The following LAP3 variants were observed in gnomAD, a reference collection of about 807,000 sequenced individuals.
The protein encoded by LAP3 is cytosol aminopeptidase.
LAP3 carries 46 observed loss-of-function variants against 58.8 expected under a neutral mutation model. The ratio of observed to expected loss-of-function variants is 0.78; its 90% confidence interval spans 0.62 to 1.00. The LOEUF is 1.00. Among genes scored for constraint, LAP3 ranks in the 50% least tolerant of loss-of-function variants. The pLI is 0.00. For synonymous variants in LAP3, 257 were observed against 237.7 expected (o/e 1.08, Z -0.75); for missense variants, 615 against 659.1 (o/e 0.93, Z 0.73).
chr4:17,579,095 G>A (rs1279393851), intron 1 of LAP3, among the ~76,000 whole-genome samples: 6 of 152,212 alleles, frequency 3.9e-5, no homozygotes, highest in African/African-American at 1.4e-4. Flanking sequence ...ATGAAGACCT[G>A]AAGAAGCGTT....
intron 10 of LAP3, among the ~76,000 whole-genome samples, chr4:17,601,318 AT>A (rs1364038956): frequency 2.0e-5 from 3 of 152,194 alleles, no homozygotes; most frequent in Non-Finnish European, 4.4e-5. Context: ...AGAATAAACT[AT>A]TTAGCTATAT....
chr4:17,607,381 T>C lies in LAP3; in HGVS notation c.1371-19T>C. 1.9e-6 allele frequency: 3 copies of C among 1,604,038 alleles called. No individual in the cohort carries two copies. Among genetic ancestry groups the C allele is most frequent in the South Asian group, 2.2e-5 (2 of 89,594 alleles). On this transcript the variant is annotated intron_variant, in intron 12 of 12. Transcript: ENST00000226299. ...ACATTTACATGGGGTTGTAAAGTGC[T>C]TTTTGTCTTTCTCTTCAGATCTGCA...
At chr4:17,606,227 C>G (rs1429914877) in intron 11 of LAP3, among the ~76,000 whole-genome samples, 1 of 152,228 alleles carries the variant, frequency 6.6e-6, no homozygotes, top group Non-Finnish European at 1.5e-5. Context: ...CATAAGAACT[C>G]TTTCACCCTC....
chr4:17,607,401 T>A lies in LAP3; in HGVS notation c.1372T>A (p.Ser458Thr). ...AGTGCTTTTTGTCTTTCTCTTCAGA[T>A]CTGCAGGAGCATGTACAGCTGCAGC... ...ADVNNIGKYR[S>T]AGACTAAAFL... The change falls in exon 13 of 13, where the codon TCT (serine) becomes ACT (threonine). Residue 458 changes from serine (S) to threonine (T), a missense_variant and splice_region_variant. By Grantham distance (58) the Ser-to-Thr change is moderately conservative. Coordinates refer to ENST00000226299, the MANE Select transcript of LAP3 (RefSeq NM_015907.3). The A allele has an allele frequency of 6.2e-7, 1 of 1,609,740 alleles. No homozygotes were observed. The highest frequency in any genetic ancestry group is 1.7e-5 in the Admixed American group (1 of 58,524).
rs953788706 is a variant in LAP3 at position 17,577,347 on chromosome 4, G to A, written c.-119G>A. Reference sequence around the variant, plus strand: ...CCCTAGACGCACGTCCGCTCGCCCGGCGCCCGAGCCAGTCCGCGCGCACGC... The same window carrying A: ...CCCTAGACGCACGTCCGCTCGCCCGACGCCCGAGCCAGTCCGCGCGCACGC... On this transcript the variant is annotated 5_prime_UTR_variant, in exon 1 of 13. Coordinates refer to ENST00000226299, the MANE Select transcript of LAP3 (RefSeq NM_015907.3). 2.1e-4 allele frequency: 121 copies of A among 587,368 alleles called. 1 individual carries two copies. Among genetic ancestry groups the A allele is most frequent in the Non-Finnish European group, 2.4e-4 (95 of 389,108 alleles). 36.4% of individuals were successfully genotyped at this position (587,368 alleles called of 1,614,324 possible).
intron 7 of LAP3, among the ~76,000 whole-genome samples, chr4:17,593,343 C>T (rs1019907735): frequency 6.6e-6 from 1 of 151,724 alleles, no homozygotes; most frequent in Non-Finnish European, 1.5e-5. Context: ...TGTTCATTTA[C>T]TTCTGCACTG....
chr4:17,584,741 C>G, intron 5 of LAP3: 1 of 379,544 alleles, frequency 2.6e-6, no homozygotes, highest in African/African-American at 2.1e-5. Flanking sequence ...AGTGCCTGAC[C>G]GGATACCCTC....
At chr4:17,606,669 CTT>C (rs901824134) in intron 11 of LAP3, among the ~76,000 whole-genome samples, 158 bp from the exon 12 acceptor site, 2 of 151,820 alleles carry the variant, frequency 1.3e-5, no homozygotes, top group African/African-American at 4.9e-5. Context: ...TAAAATAAAT[CTT>C]TTAATGAGTG....
In LAP3 at chr4:17,594,298, A is replaced by G. The variant is rs539015791; in HGVS notation, c.864-1112A>G. On this transcript the variant is annotated intron_variant, in intron 7 of 12. Transcript: ENST00000226299. ...ATACAACAGCGTGTTCCCTTTGTCCATGGGGTTTACCCATGTTATTTTTCT... is the reference window on the plus strand; with the variant it reads ...ATACAACAGCGTGTTCCCTTTGTCCGTGGGGTTTACCCATGTTATTTTTCT... Among the ~76,000 whole-genome samples the G allele has an allele frequency of 6.8e-4, 103 of 152,338 alleles. 1 individual carries two copies. Among genetic ancestry groups the G allele is most frequent in the Middle Eastern group, 3.4e-3 (1 of 294 alleles).
rs747549677 is a variant in LAP3 at position 17,588,982 on chromosome 4, T to G, written c.863+5T>G. Reference sequence around the variant, plus strand: ...GAAAGGAATTACCTTTGACAGGTATTTTTTATGGTGTCCGTGCTTTGTATT... The same window carrying G: ...GAAAGGAATTACCTTTGACAGGTATGTTTTATGGTGTCCGTGCTTTGTATT... On this transcript the variant is annotated splice_donor_5th_base_variant and intron_variant, in intron 7 of 12. Coordinates refer to ENST00000226299, the MANE Select transcript of LAP3 (RefSeq NM_015907.3). 1.2e-6 allele frequency: 2 copies of G among 1,612,756 alleles called. No individual in the cohort carries two copies. Among genetic ancestry groups the G allele is most frequent in the Non-Finnish European group, 1.7e-6 (2 of 1,178,978 alleles).
At chr4:17,605,586 T>G (rs1032914808) in intron 11 of LAP3, among the ~76,000 whole-genome samples, 1 of 152,050 alleles carries the variant, frequency 6.6e-6, no homozygotes, top group South Asian at 2.1e-4. Context: ...AATATAATCC[T>G]GAGGGTGGTT....
Position 17,585,071 on chromosome 4 carries a change from C to T in LAP3, c.639C>T (p.Thr213=). Residue 213 remains threonine, a synonymous_variant, in exon 6 of 13, where the codon ACC becomes ACT. Coordinates refer to ENST00000226299, the MANE Select transcript of LAP3 (RefSeq NM_015907.3). ...CGCCAGCCAATGAGATGACGCCAAC[C>T]AGATTTGCTGAAATTATTGAGAAGA... The part of the protein sequence containing the change: ...METPANEMTP[T]RFAEIIEKNL... The T allele has an allele frequency of 6.2e-7, 1 of 1,613,944 alleles. No individual in the cohort carries two copies. The highest frequency in any genetic ancestry group is 1.3e-5 in the African/African-American group (1 of 75,020).
At chr4:17,602,920 G>A (rs947002495) in intron 10 of LAP3, among the ~76,000 whole-genome samples, 4 of 151,776 alleles carry the variant, frequency 2.6e-5, no homozygotes, top group Non-Finnish European at 5.9e-5. Flanking sequence ...GACCTCAAGT[G>A]ATCCACCCGT....
intron 6 of LAP3, among the ~76,000 whole-genome samples, chr4:17,588,101 C>T (rs913305327): frequency 6.6e-6 from 1 of 152,184 alleles, no homozygotes; most frequent in East Asian, 1.9e-4. Context: ...GATCGTGGCT[C>T]ACTGCAGCCT....
At chr4:17,582,464 T>C in intron 4 of LAP3, 71 bp downstream of exon 4, 1 of 1,267,874 alleles carries the variant, frequency 7.9e-7, no homozygotes, top group Non-Finnish European at 1.1e-6. Flanking sequence ...TTCCCCTTTT[T>C]GTCCTTTTAC....
intron 2 of LAP3, among the ~76,000 whole-genome samples, chr4:17,580,817 C>A (rs1011542463): frequency 1.3e-5 from 2 of 152,176 alleles, no homozygotes; most frequent in Non-Finnish European, 2.9e-5. Flanking sequence ...ATTGTAACTG[C>A]ATGCTGTATT....
At chr4:17,582,419 A>G in intron 4 of LAP3, 26 bp downstream of exon 4, 1 of 1,552,986 alleles carries the variant, frequency 6.4e-7, no homozygotes, top group Non-Finnish European at 8.8e-7. Context: ...AAGTTTAAAG[A>G]ATCCTGAGGA....
chr4:17,594,939 A>G (rs950305522), intron 7 of LAP3, among the ~76,000 whole-genome samples: 26 of 152,148 alleles, frequency 1.7e-4, no homozygotes, highest in African/African-American at 6.3e-4. Context: ...GAATTTGCAC[A>G]GTCTTGATTT....
chr4:17,606,968 T>C (rs1199036223), intron 12 of LAP3, 30 bp downstream of exon 12: 1 of 1,412,448 alleles, frequency 7.1e-7, no homozygotes, highest in East Asian at 2.3e-5. Flanking sequence ...TGTACATTTA[T>C]ACAATCATCC....
Sources: allele counts gnomAD v4.1 joint callset (sites outside exome capture counted in the v4.1 genomes callset), GRCh38; gene constraint gnomAD v4.1.1; transcripts MANE v1.5; gene names NCBI Gene and HGNC (gene_info 2026-07-23, HGNC 2026-07-21).